The following STIM1 variants were observed in gnomAD, a reference collection of about 807,000 sequenced individuals.
STIM1 encodes the protein stromal interaction molecule 1.
In STIM1, 25 loss-of-function variants were observed where a neutral mutation model predicts 74.7. The observed-to-expected ratio is 0.33, with a 90% CI of 0.24 to 0.47. STIM1 has a LOEUF of 0.47. STIM1 is among the 20% of genes least tolerant of loss of function. STIM1 has a pLI of 1.00. For synonymous variants in STIM1, 328 were observed against 348.8 expected (o/e 0.94, Z 0.66); for missense variants, 728 against 920.8 (o/e 0.79, Z 2.71).
chr11:3,898,237 T>C (rs1383124155), intron 1 of STIM1, among the ~76,000 whole-genome samples: 1 of 149,442 alleles, frequency 6.7e-6, no homozygotes, highest in Non-Finnish European at 1.5e-5. Context: ...CTCATTGTGG[T>C]TTTGATTTGC....
chr11:3,922,319 T>A (rs1234674402), intron 1 of STIM1, among the ~76,000 whole-genome samples: 3 of 152,206 alleles, frequency 2.0e-5, no homozygotes, highest in African/African-American at 2.4e-5. Flanking sequence ...TATAGACATA[T>A]AGATATGTAT....
intron 1 of STIM1, among the ~76,000 whole-genome samples, chr11:3,879,151 T>C (rs565773807): frequency 1.3e-5 from 2 of 152,256 alleles, no homozygotes; most frequent in Non-Finnish European, 2.9e-5. Flanking sequence ...AGACGGGGTT[T>C]CACCATGTTG....
At chr11:3,878,965 T>G (rs573906829) in intron 1 of STIM1, among the ~76,000 whole-genome samples, 1 of 152,060 alleles carries the variant, frequency 6.6e-6, no homozygotes, top group African/African-American at 2.4e-5. Context: ...CATACCTCTT[T>G]TTTTTTTTGA....
At chr11:4,059,534 G>A in intron 5 of STIM1, 138 bp downstream of exon 5, 3 of 679,342 alleles carry the variant, frequency 4.4e-6, no homozygotes, top group Non-Finnish European at 7.8e-6. Flanking sequence ...TGGTATTAAG[G>A]TATGAAAGAG....
chr11:3,891,588 A>G (rs1590532814), intron 1 of STIM1, among the ~76,000 whole-genome samples: 2 of 152,274 alleles, frequency 1.3e-5, no homozygotes, highest in East Asian at 1.9e-4. Context: ...CAGGCTCACT[A>G]TTGTATTTTA....
chr11:4,028,103 G>C (rs1174902890), intron 3 of STIM1, among the ~76,000 whole-genome samples: 1 of 152,124 alleles, frequency 6.6e-6, no homozygotes, highest in Non-Finnish European at 1.5e-5. Flanking sequence ...CTTCTTTTGA[G>C]ACAGAGTCTC....
At chr11:4,005,265 T>C (rs2093766155) in intron 2 of STIM1, among the ~76,000 whole-genome samples, 3 of 152,176 alleles carry the variant, frequency 2.0e-5, no homozygotes, top group Non-Finnish European at 2.9e-5. Context: ...ATCATGCTGC[T>C]ATAAAGACAC....
At chr11:3,908,078 C>T (rs1046673904) in intron 1 of STIM1, among the ~76,000 whole-genome samples, 5 of 152,170 alleles carry the variant, frequency 3.3e-5, no homozygotes, top group Admixed American at 2.6e-4. Context: ...TCACCTTGCA[C>T]CCCCACTCCC....
At chr11:4,012,537 G>T (rs778029406) in intron 2 of STIM1, among the ~76,000 whole-genome samples, 52 of 152,268 alleles carry the variant, frequency 3.4e-4, no homozygotes, top group Non-Finnish European at 5.9e-4. Context: ...TCTGTTCTTG[G>T]TGTATAGGAA....
intron 12 of STIM1, among the ~76,000 whole-genome samples, chr11:4,091,061 CCT>C (rs1015297673): frequency 1.3e-5 from 2 of 151,968 alleles, no homozygotes; most frequent in Non-Finnish European, 2.9e-5. Context: ...CCTCCTGCCT[CCT>C]CTCTTATCCT....
intron 1 of STIM1, among the ~76,000 whole-genome samples, chr11:3,884,504 G>T (rs922783074): frequency 1.3e-5 from 2 of 152,174 alleles, no homozygotes; most frequent in African/African-American, 4.8e-5. Flanking sequence ...TCCTGATCCA[G>T]GGGCTGAGAG....
intron 2 of STIM1, among the ~76,000 whole-genome samples, chr11:4,000,934 A>G (rs1294797634): frequency 4.6e-5 from 7 of 152,362 alleles, no homozygotes; most frequent in Non-Finnish European, 8.8e-5. Context: ...AACTACGTGA[A>G]GAATGCAGAA....
intron 2 of STIM1, among the ~76,000 whole-genome samples, chr11:4,018,121 CCTGA>C (rs990867500): frequency 1.3e-5 from 2 of 152,038 alleles, no homozygotes; most frequent in African/African-American, 4.8e-5. Flanking sequence ...TCAAGACCAG[CCTGA>C]CTAACATGGA....
At chr11:4,041,842 A>G (rs1273512853) in intron 3 of STIM1, among the ~76,000 whole-genome samples, 1 of 152,144 alleles carries the variant, frequency 6.6e-6, no homozygotes, top group Admixed American at 6.5e-5. Context: ...CTGCCTTGGC[A>G]TCCCAAAGTA....
chr11:4,037,142 G>A lies in STIM1; in HGVS notation c.385+13155G>A, dbSNP rs112322442. On this transcript the variant is annotated intron_variant, in intron 3 of 12. Coordinates refer to ENST00000526596, the MANE Select transcript of STIM1 (RefSeq NM_001382567.1). ...ATGATCTCGGCTCACTGCAACCTCC[G>A]CCTCCTGGGTTCAGGCAATTCTCCT... Among the ~76,000 whole-genome samples, 1,253 of 150,862 alleles carry A rather than the reference G, an allele frequency of 8.3e-3. 17 individuals are homozygous for A. The highest frequency in any genetic ancestry group is 0.029 in the African/African-American group (1,196 of 41,038).
At chr11:3,949,370 G>A (rs897137344) in intron 1 of STIM1, among the ~76,000 whole-genome samples, 2 of 152,194 alleles carry the variant, frequency 1.3e-5, no homozygotes, top group African/African-American at 2.4e-5. Context: ...TAGGGTATAT[G>A]TGAGCTGGTG....
At chr11:4,020,670 C>T (rs1459084894) in intron 2 of STIM1, among the ~76,000 whole-genome samples, 1 of 152,070 alleles carries the variant, frequency 6.6e-6, no homozygotes, top group Non-Finnish European at 1.5e-5. Context: ...CTCACTACAA[C>T]CTTGATCTCC....
At chr11:3,865,964 T>C (rs2090839624) in intron 1 of STIM1, among the ~76,000 whole-genome samples, 1 of 152,222 alleles carries the variant, frequency 6.6e-6, no homozygotes, top group African/African-American at 2.4e-5. Flanking sequence ...TGAGAAGTCA[T>C]GCAAGAAAAA....
At chr11:3,859,343 C>A (rs1158582861) in intron 1 of STIM1, among the ~76,000 whole-genome samples, 1 of 152,184 alleles carries the variant, frequency 6.6e-6, no homozygotes, top group Non-Finnish European at 1.5e-5. Context: ...GTACACCCAG[C>A]CATGCTAGGT....
Sources: allele counts gnomAD v4.1 joint callset (sites outside exome capture counted in the v4.1 genomes callset), GRCh38; gene constraint gnomAD v4.1.1; transcripts MANE v1.5; gene names NCBI Gene and HGNC (gene_info 2026-07-23, HGNC 2026-07-21).